Variants in ABCB4 observed in about 807,000 individuals in gnomAD.
ABCB4 encodes the protein ATP binding cassette subfamily B member 4, also known as phosphatidylcholine translocator ABCB4.
ABCB4 carries 76 observed loss-of-function variants against 145.7 expected under a neutral mutation model. That is an observed-to-expected ratio of 0.52 (90% CI 0.43 to 0.63). The LOEUF (loss-of-function observed/expected upper bound fraction) is 0.63, where lower values mean the gene tolerates loss of function less well. ABCB4 is among the 30% of genes least tolerant of loss of function. ABCB4 has a pLI of 0.00. For synonymous variants in ABCB4, 517 were observed against 566.8 expected, an observed-to-expected ratio of 0.91 and a Z score of 1.25; for missense variants, 1,234 against 1,553.1, an observed-to-expected ratio of 0.79 and a Z score of 3.45.
intron 18 of ABCB4, among the ~76,000 whole-genome samples, 154 bp from the exon 19 acceptor site, chr7:87,420,229 GA>G (rs1388077673): frequency 6.6e-5 from 10 of 152,128 alleles, no homozygotes; most frequent in Admixed American, 2.6e-4. Context: ...AGCCCCAGAT[GA>G]ATCAAGCATG....
chr7:87,440,975 C>T (rs1810944769), intron 12 of ABCB4, among the ~76,000 whole-genome samples: 1 of 152,148 alleles, frequency 6.6e-6, no homozygotes, highest in Non-Finnish European at 1.5e-5. Context: ...CTCCTGACCT[C>T]GTGACCGCCC....
rs1318317278 is a variant in ABCB4, at chr7:87,413,611, C to T, written c.2783+6G>A. ...GGTTCTTAGCAGGAATCATATGGTT[C>T]ATTACCTGTAAGGTCCATACAATTT... On this transcript the variant is annotated splice_donor_region_variant and intron_variant, in intron 22 of 27. Transcript: ENST00000649586. 5 of 1,560,946 alleles carry T rather than the reference C, an allele frequency of 3.2e-6. No homozygotes were observed. The highest frequency in any genetic ancestry group is 2.2e-5 in the South Asian group (2 of 89,976).
In ABCB4 at chr7:87,403,228, T is replaced by C. The variant is rs1807934141; in HGVS notation, c.3540A>G (p.Lys1180=). 3 of 1,613,754 alleles carry C rather than the reference T, an allele frequency of 1.9e-6. No individual in the cohort carries two copies. The highest frequency in any genetic ancestry group is 1.7e-6 in the Non-Finnish European group (2 of 1,179,742). ...GGGCTCGGGCAATAGCAATCCTCTG[T>C]TTTTGACCTCCTGAGAGCTGAGTCC... is the stretch of plus-strand genomic sequence containing the variant. ...DKGTQLSGGQ[K]QRIAIARALI... Residue 1180 remains lysine (K), a synonymous_variant, in exon 27 of 28, where the codon AAA becomes AAG. Transcript: ENST00000649586.
At chr7:87,367,435 C>T in the ABCB4 span, among the ~76,000 whole-genome samples, 1 of 152,182 alleles carries the variant, frequency 6.6e-6, no homozygotes, top group Non-Finnish European at 1.5e-5. Flanking sequence ...CCCAGTAAGA[C>T]ACATTTCAGA....
intron 8 of ABCB4, 126 bp downstream of exon 8, chr7:87,449,842 T>A (rs1811590483): frequency 7.1e-7 from 1 of 1,401,894 alleles, no homozygotes; most frequent in Non-Finnish European, 1.0e-6. Flanking sequence ...CAGTAAAGGG[T>A]GCTTATAATT....
At chr7:87,381,460 A>C in the ABCB4 span, among the ~76,000 whole-genome samples, 1 of 152,160 alleles carries the variant, frequency 6.6e-6, no homozygotes, top group Admixed American at 6.5e-5. Flanking sequence ...AATATTCACT[A>C]AGTGGCCTAA....
intron 4 of ABCB4, among the ~76,000 whole-genome samples, chr7:87,455,435 G>A (rs1472160631): frequency 1.3e-5 from 2 of 152,138 alleles, no homozygotes; most frequent in Non-Finnish European, 2.9e-5. Flanking sequence ...CTTATGAGGT[G>A]AGACTATTTC....
At position 87,406,599 on chromosome 7, in the gene ABCB4, C is replaced by G. The variant is rs31656; in HGVS notation, c.3280-105G>C. ...GAGGATCGTTGCATGAGGGTGTCAG[C>G]AGCTTCAAAACAACAACCCTCCAAG... On this transcript the variant is annotated intron_variant, in intron 25 of 27. Transcript: ENST00000649586. 1.0e-3 allele frequency: 1,290 copies of G among 1,253,266 alleles called. 13 individuals carry two copies. In the African/African-American group the frequency reaches 0.017, roughly 17 times the overall value. 77.6% of individuals were successfully genotyped at this position (1,253,266 alleles called of 1,614,324 possible).
At chr7:87,462,276 C>T (rs45583842) in intron 4 of ABCB4, among the ~76,000 whole-genome samples, 2,851 of 152,206 alleles carry the variant, frequency 0.019, 36 homozygotes, top group Middle Eastern at 0.058. Context: ...TCCAGTCAAT[C>T]TGGTTGATCC....
chr7:87,427,735 CAAT>C (rs1398418504), intron 15 of ABCB4, among the ~76,000 whole-genome samples: 1 of 152,188 alleles, frequency 6.6e-6, no homozygotes, highest in African/African-American at 2.4e-5. Flanking sequence ...ACTGTACATA[CAAT>C]AGCCAATCAT....
At chr7:87,456,946 T>C (rs2116851846) in intron 4 of ABCB4, among the ~76,000 whole-genome samples, 1 of 152,150 alleles carries the variant, frequency 6.6e-6, no homozygotes, top group South Asian at 2.1e-4. Context: ...TCTTGTCAGA[T>C]GCTACCTATT....
chr7:87,398,472 T>C (rs1807624203), downstream of ABCB4: 9 of 1,603,662 alleles, frequency 5.6e-6, no homozygotes, highest in Non-Finnish European at 6.8e-6. Flanking sequence ...GTATTCACCA[T>C]CACTATTTGG....
downstream of ABCB4, chr7:87,401,664 AATAGAATGATTTAGAAAATTACC>A (rs1286475352): frequency 2.8e-5 from 7 of 252,826 alleles, no homozygotes; most frequent in Non-Finnish European, 4.7e-5. Flanking sequence ...TTGATTCCAC[AATAGAATGATTTAGAAAATTACC>A]AAGAGAGATG....
upstream of ABCB4, chr7:87,475,838 A>C (rs1169777736): frequency 6.6e-6 from 1 of 151,418 alleles, no homozygotes; most frequent in African/African-American, 2.6e-5. Flanking sequence ...CTCTCTCCCC[A>C]GGCTAGGCGC....
At chr7:87,457,276 G>A (rs944894456) in intron 4 of ABCB4, among the ~76,000 whole-genome samples, 3 of 152,132 alleles carry the variant, frequency 2.0e-5, no homozygotes, top group Non-Finnish European at 4.4e-5. Context: ...CGGGCATGGT[G>A]GCAGGTGCCT....
intron 12 of ABCB4, among the ~76,000 whole-genome samples, chr7:87,442,450 T>C (rs1811052010): frequency 6.6e-6 from 1 of 152,168 alleles, no homozygotes; most frequent in African/African-American, 2.4e-5. Context: ...TAATCCATTT[T>C]AATATCAGAT....
Position 87,422,163 on chromosome 7 carries a change from G to A in ABCB4, c.2274C>T (p.Phe758=), listed in dbSNP as rs778823546. Residue 758 remains phenylalanine (F), a synonymous_variant, in exon 18 of 28, where the codon TTC becomes TTT. Transcript: ENST00000649586. ...QQKCNIFSLI[F]LFLGIISFFT... ...AAAAAGAAATAATTCCCAGAAATAAGAAAATCAAAGAGAATATGTTGCACT... is the reference window on the plus strand; with the variant it reads ...AAAAAGAAATAATTCCCAGAAATAAAAAAATCAAAGAGAATATGTTGCACT... 2 of 1,613,390 alleles carry A rather than the reference G, an allele frequency of 1.2e-6. No individual in the cohort carries two copies. The highest frequency in any genetic ancestry group is 2.2e-5 in the South Asian group (2 of 90,982).
At position 87,472,971 on chromosome 7, in the gene ABCB4, T is replaced by C. The variant is rs570713512; in HGVS notation, c.81-296A>G. Among the ~76,000 whole-genome samples, 180 of 152,316 alleles carry C rather than the reference T, an allele frequency of 1.2e-3. No individual in the cohort carries two copies. In the Middle Eastern group the frequency reaches 0.014, roughly 12 times the overall value. On this transcript the variant is annotated intron_variant, in intron 2 of 27. Coordinates refer to ENST00000649586, the MANE Select transcript of ABCB4 (RefSeq NM_000443.4). ...GCTAAGTCAATTAAGTTATTTGTTT[T>C]CTAAAATTAAAAAAAATCATGATTT...
Position 87,423,888 on chromosome 7 carries a change from T to C in ABCB4, c.2211+18A>G. The C allele has an allele frequency of 6.2e-7, 1 of 1,613,974 alleles. No individual in the cohort carries two copies. The highest frequency in any genetic ancestry group is 8.5e-7 in the Non-Finnish European group (1 of 1,179,906). ...AATTGATCTAATTCAGGCTGTTATG[T>C]GGTGTTTGCAAACTTACCGCTATGA... is the stretch of plus-strand genomic sequence containing the variant. On this transcript the variant is annotated intron_variant, in intron 17 of 27. Transcript: ENST00000649586.
Sources: gnomAD v4.1 joint callset for allele counts (sites outside exome capture counted in the v4.1 genomes callset) on GRCh38, gnomAD v4.1.1 for gene constraint, MANE v1.5 for transcripts, NCBI Gene and HGNC (gene_info 2026-07-23, HGNC 2026-07-21) for gene names.